DLGAP4: variants seen among roughly 807,000 people sequenced by gnomAD.
The protein encoded by DLGAP4 is DLG associated protein 4, also known as disks large-associated protein 4.
Under a neutral mutation model 86.9 loss-of-function variants are expected in DLGAP4, and 18 were observed. The ratio of observed to expected loss-of-function variants is 0.21; its 90% CI spans 0.14 to 0.31. The LOEUF (loss-of-function observed/expected upper bound fraction) is 0.31. Ranked by LOEUF, DLGAP4 falls within the 10% of genes least tolerant of loss-of-function variation. The pLI is 1.00. For synonymous variants in DLGAP4, 548 were observed against 574.3 expected (o/e 0.95, Z 0.65); for missense variants, 1,085 against 1,362.6 (o/e 0.80, Z 3.21).
chr20:36,506,836 C>G (rs2036401593), intron 10 of DLGAP4, among the ~76,000 whole-genome samples: 1 of 152,190 alleles, frequency 6.6e-6, no homozygotes, highest in African/African-American at 2.4e-5. Context: ...CCTCCTACCC[C>G]CAGCCACTGG....
chr20:36,493,673 G>T (rs535049641), intron 7 of DLGAP4, among the ~76,000 whole-genome samples: 64 of 152,332 alleles, frequency 4.2e-4, no homozygotes, highest in Middle Eastern at 6.8e-3. Context: ...GCCCAGCCCA[G>T]CCCAGCGAGG....
intron 2 of DLGAP4, among the ~76,000 whole-genome samples, chr20:36,395,502 T>TTTA (rs1042098309): frequency 2.0e-5 from 3 of 151,880 alleles, no homozygotes; most frequent in Non-Finnish European, 4.4e-5. Context: ...CTGCCTTTTT[T>TTTA]TTATTATTAT....
chr20:36,524,051 A>G (rs374159481), intron 10 of DLGAP4, among the ~76,000 whole-genome samples, 199 bp from the exon 11 acceptor site: 2 of 152,326 alleles, frequency 1.3e-5, no homozygotes, highest in South Asian at 2.1e-4. Flanking sequence ...TCCTCAGGAA[A>G]TGGGATGGGG....
At chr20:36,516,489 A>T (rs1167459111) in intron 10 of DLGAP4, among the ~76,000 whole-genome samples, 3 of 151,892 alleles carry the variant, frequency 2.0e-5, no homozygotes, top group African/African-American at 7.3e-5. Flanking sequence ...AACATGGTGA[A>T]ACTCCATCTT....
At chr20:36,414,180 G>C (rs2032588021) in intron 2 of DLGAP4, among the ~76,000 whole-genome samples, 1 of 152,174 alleles carries the variant, frequency 6.6e-6, no homozygotes, top group Non-Finnish European at 1.5e-5. Flanking sequence ...GCCAGGACTG[G>C]GGTCCCAGCC....
At chr20:36,512,119 C>T (rs1321109453) in intron 10 of DLGAP4, among the ~76,000 whole-genome samples, 11 of 143,040 alleles carry the variant, frequency 7.7e-5, no homozygotes, top group African/African-American at 1.8e-4. Context: ...GGCGTGATCT[C>T]GGCTCACTGC....
intron 7 of DLGAP4, among the ~76,000 whole-genome samples, chr20:36,447,904 G>T (rs1400128599): frequency 1.5e-5 from 2 of 131,704 alleles, no homozygotes; most frequent in Admixed American, 7.5e-5. Context: ...AGGGGGGTGG[G>T]GGGGGGGGAG....
chr20:36,444,311 G>T (rs2033532785), intron 6 of DLGAP4, among the ~76,000 whole-genome samples: 1 of 152,132 alleles, frequency 6.6e-6, no homozygotes, highest in Non-Finnish European at 1.5e-5. Context: ...TTGAGATAGG[G>T]TCTCACTCTG....
intron 10 of DLGAP4, among the ~76,000 whole-genome samples, chr20:36,510,651 T>C (rs1600685802): frequency 6.6e-6 from 1 of 151,140 alleles, no homozygotes; most frequent in Non-Finnish European, 1.5e-5. Context: ...CCTCAAGTGA[T>C]CCGCCTGCCT....
chr20:36,516,876 A>G (rs370929397), intron 10 of DLGAP4, among the ~76,000 whole-genome samples: 82 of 152,136 alleles, frequency 5.4e-4, no homozygotes, highest in African/African-American at 1.9e-3. Context: ...GGATCACTTG[A>G]TCCCAAAAGT....
chr20:36,345,485 T>C (rs1251915466), intron 1 of DLGAP4, among the ~76,000 whole-genome samples: 1 of 152,200 alleles, frequency 6.6e-6, no homozygotes, highest in Admixed American at 6.5e-5. Flanking sequence ...TGTGAGACTT[T>C]GGGCAGGTCA....
chr20:36,523,254 C>T (rs1338890165), intron 10 of DLGAP4, among the ~76,000 whole-genome samples: 2 of 152,114 alleles, frequency 1.3e-5, no homozygotes, highest in Non-Finnish European at 2.9e-5. Flanking sequence ...TCCTGCCTCC[C>T]TAAGTGCTGG....
intron 2 of DLGAP4, among the ~76,000 whole-genome samples, chr20:36,368,475 G>T (rs1029379454): frequency 2.0e-5 from 3 of 152,256 alleles, no homozygotes; most frequent in Non-Finnish European, 4.4e-5. Flanking sequence ...TGAGAACAAG[G>T]AGCTGCCCGC....
intron 7 of DLGAP4, among the ~76,000 whole-genome samples, chr20:36,470,676 T>G (rs1372251325): frequency 6.6e-6 from 1 of 151,964 alleles, no homozygotes; most frequent in Non-Finnish European, 1.5e-5. Context: ...ATACTCAGCA[T>G]CACGTGCAGC....
intron 7 of DLGAP4, among the ~76,000 whole-genome samples, chr20:36,496,301 G>A (rs1231197954): frequency 6.6e-6 from 1 of 152,158 alleles, no homozygotes; most frequent in Non-Finnish European, 1.5e-5. Context: ...AGATAGCAAG[G>A]TTAACCATTC....
At chr20:36,519,427 T>TGTGTGCGTGC (rs1198703093) in intron 10 of DLGAP4, among the ~76,000 whole-genome samples, 2 of 152,202 alleles carry the variant, frequency 1.3e-5, no homozygotes, top group African/African-American at 2.4e-5. Context: ...GTTTTCTGTC[T>TGTGTGCGTGC]GTGTGCGTGC....
chr20:36,435,604 G>A (rs1179598806), intron 3 of DLGAP4, among the ~76,000 whole-genome samples: 1 of 152,206 alleles, frequency 6.6e-6, no homozygotes, highest in East Asian at 1.9e-4. Context: ...CCACCTGTGG[G>A]ACAAAGAATA....
At chr20:36,403,633 T>A (rs563974128) in intron 2 of DLGAP4, among the ~76,000 whole-genome samples, 2 of 152,368 alleles carry the variant, frequency 1.3e-5, no homozygotes, top group African/African-American at 4.8e-5. Flanking sequence ...TCAACGTGTT[T>A]CCAGAGGAAA....
At chr20:36,424,720 TTTTTGTTTG>T (rs1008628039) in intron 2 of DLGAP4, among the ~76,000 whole-genome samples, 5 of 149,134 alleles carry the variant, frequency 3.4e-5, no homozygotes, top group Non-Finnish European at 7.4e-5. Flanking sequence ...GACTCCTGTT[TTTTTGTTTG>T]TTTTGTTTGT....
Sources: allele counts gnomAD v4.1 joint callset (sites outside exome capture counted in the v4.1 genomes callset), GRCh38; gene constraint gnomAD v4.1.1; transcripts MANE v1.5; gene names NCBI Gene and HGNC (gene_info 2026-07-23, HGNC 2026-07-21).